BRCA1: variants seen among roughly 807,000 people sequenced by gnomAD.
BRCA1 encodes the protein BRCA1 DNA repair associated, also known as breast cancer type 1 susceptibility protein.
In BRCA1, 140 loss-of-function variants were observed where a neutral mutation model predicts 173.7. The ratio of observed to expected loss-of-function variants is 0.81; its 90% confidence interval spans 0.70 to 0.93. The LOEUF (loss-of-function observed/expected upper bound fraction) is 0.93. Among genes scored for constraint, BRCA1 ranks in the 40% least tolerant of loss-of-function variants. The pLI is 0.00. For synonymous variants in BRCA1, 662 were observed against 756.0 expected, an observed-to-expected ratio of 0.88 and a Z score of 2.04; for missense variants, 1,983 against 2,172.5, an observed-to-expected ratio of 0.91 and a Z score of 1.73.
At chr17:43,136,933 A>T (rs1360623178) in intron 1 of BRCA1, among the ~76,000 whole-genome samples, 2 of 152,214 alleles carry the variant, frequency 1.3e-5, no homozygotes, top group Non-Finnish European at 2.9e-5. Flanking sequence ...ATTACTGGGC[A>T]TATATCCAAA....
intron 3 of BRCA1, among the ~76,000 whole-genome samples, chr17:43,108,269 C>T (rs757333387): frequency 1.4e-5 from 2 of 144,034 alleles, no homozygotes; most frequent in African/African-American, 2.6e-5. Flanking sequence ...ACCTGTGAGG[C>T]GGGGGTTACA....
chr17:43,121,840 G>T (rs2055594088), intron 2 of BRCA1, among the ~76,000 whole-genome samples: 1 of 152,072 alleles, frequency 6.6e-6, no homozygotes, highest in South Asian at 2.1e-4. Flanking sequence ...TTAATTGATG[G>T]TTTAATTTGC....
rs1057521863 is a variant in BRCA1 at position 43,094,319 on chromosome 17, T to C, written c.1212A>G (p.Glu404=). Residue 404 remains glutamate (E), a synonymous_variant, in exon 10 of 23, where the codon GAA becomes GAG. Transcript: ENST00000357654. ...GSDDSHDGES[E]SNAKVADVLD... Reference sequence around the variant, plus strand: ...ATACATCAGCTACTTTGGCATTTGATTCAGACTCCCCATCATGTGAGTCAT... The same window carrying C: ...ATACATCAGCTACTTTGGCATTTGACTCAGACTCCCCATCATGTGAGTCAT... 4 of 1,614,154 alleles carry C rather than the reference T, an allele frequency of 2.5e-6. No individual in the cohort carries two copies. The highest frequency in any genetic ancestry group is 3.4e-6 in the Non-Finnish European group (4 of 1,179,998).
At chr17:43,135,589 T>TTC (rs1374925836) in intron 1 of BRCA1, among the ~76,000 whole-genome samples, 1 of 152,144 alleles carries the variant, frequency 6.6e-6, no homozygotes, top group African/African-American at 2.4e-5. Flanking sequence ...CTTCCCATGG[T>TTC]TCGCAGGTCG....
At position 43,094,837 on chromosome 17, in the gene BRCA1, C is replaced by T. The variant is rs55975699; in HGVS notation, c.694G>A (p.Asp232Asn). Residue 232 changes from aspartate (D) to asparagine (N), a missense_variant, in exon 10 of 23, where the codon GAT (aspartate) becomes AAT (asparagine). Physicochemically the swap from Asp to Asn is conservative, Grantham distance 23. Coordinates refer to ENST00000357654, the MANE Select transcript of BRCA1 (RefSeq NM_007294.4). ...TGATGATGTTCAGTATTTGTTACAT[C>T]CGTCTCAGAAAATTCACAAGCAGCT... ...KKAACEFSETDVTNTEHHQPS... is the reference protein window; with the variant it reads ...KKAACEFSETNVTNTEHHQPS... 2.0e-5 allele frequency: 32 copies of T among 1,612,896 alleles called. No homozygotes were observed. In the African/African-American group the frequency reaches 4.3e-4, roughly 22 times the overall value.
chr17:43,122,220 A>C (rs1443545738), intron 2 of BRCA1, among the ~76,000 whole-genome samples: 1 of 152,210 alleles, frequency 6.6e-6, no homozygotes, highest in Non-Finnish European at 1.5e-5. Context: ...AAAAGAATTT[A>C]CCCTTTTTTA....
In BRCA1 at chr17:43,091,673, A is replaced by G. The variant is rs794726998; in HGVS notation, c.3858T>C (p.Ser1286=). ...LAKASQEHHL[S]EETKCSASLF... is the part of the protein sequence containing the mutation. The stretch of plus-strand genomic sequence containing the variant: ...AGCTAGCAGAACATTTTGTTTCCTC[A>G]CTAAGGTGATGTTCCTGAGATGCCT... Residue 1286 remains serine, a synonymous_variant, in exon 10 of 23, where the codon AGT becomes AGC. Coordinates refer to ENST00000357654, the MANE Select transcript of BRCA1 (RefSeq NM_007294.4). The G allele has an allele frequency of 6.2e-7, 1 of 1,614,190 alleles. No individual in the cohort carries two copies. The highest frequency in any genetic ancestry group is 8.5e-7 in the Non-Finnish European group (1 of 1,180,022).
intron 1 of BRCA1, among the ~76,000 whole-genome samples, chr17:43,136,262 T>TA (rs1294282973): frequency 6.6e-6 from 1 of 152,192 alleles, no homozygotes; most frequent in East Asian, 1.9e-4. Context: ...ACCCCTTCCT[T>TA]ACACCTTATA....
intron 3 of BRCA1, among the ~76,000 whole-genome samples, chr17:43,115,522 T>C (rs1597911346): frequency 1.3e-5 from 2 of 150,630 alleles, no homozygotes; most frequent in South Asian, 4.2e-4. Context: ...AAAAAGATAA[T>C]ATATGTCAAA....
Position 43,094,832 on chromosome 17 carries a change from T to C in BRCA1, c.699A>G (p.Val233=), listed in dbSNP as rs786202162. ...KAACEFSETD[V]TNTEHHQPSN... ...TGGGTTGATGATGTTCAGTATTTGT[T>C]ACATCCGTCTCAGAAAATTCACAAG... Residue 233 remains valine (V), a synonymous_variant, in exon 10 of 23, where the codon GTA becomes GTG. Coordinates refer to ENST00000357654, the MANE Select transcript of BRCA1 (RefSeq NM_007294.4). 6.8e-6 allele frequency: 11 copies of C among 1,613,396 alleles called. No individual in the cohort carries two copies. The Admixed American group carries it at 1.3e-4, about 20-fold the overall frequency.
chr17:43,169,054 C>G (rs1450248712), intron 1 of BRCA1, among the ~76,000 whole-genome samples: 3 of 152,156 alleles, frequency 2.0e-5, no homozygotes, highest in Non-Finnish European at 1.5e-5. Context: ...TTCTCAATAG[C>G]ACAAATGGAT....
chr17:43,099,923 T>A (rs2154530266), intron 6 of BRCA1, 43 bp from the exon 7 acceptor site: 1 of 1,440,806 alleles, frequency 6.9e-7, no homozygotes, highest in Non-Finnish European at 9.8e-7. Context: ...TGTTGGCCAG[T>A]TCTGTGCTTT....
intron 20 of BRCA1, among the ~76,000 whole-genome samples, chr17:43,050,444 T>TAA: frequency 6.8e-6 from 1 of 147,316 alleles, no homozygotes; most frequent in South Asian, 2.2e-4. Flanking sequence ...CCGTCTCTAC[T>TAA]AAAAAAAAAA....
intron 3 of BRCA1, among the ~76,000 whole-genome samples, chr17:43,114,939 C>T (rs8176105): frequency 7.5e-4 from 114 of 152,212 alleles, no homozygotes; most frequent in African/African-American, 2.7e-3. Flanking sequence ...TCATCAAATA[C>T]GTAAATATAA....
chr17:43,044,570 G>A lies in BRCA1; in HGVS notation c.*1108C>T. The A allele has an allele frequency of 5.9e-6, 3 of 505,628 alleles. No individual in the cohort carries two copies. The highest frequency in any genetic ancestry group is 1.2e-5 in the Non-Finnish European group (3 of 258,208). 31.3% of individuals were successfully genotyped at this position (505,628 alleles called of 1,614,324 possible). A position where few individuals can be genotyped will look rare whatever the true frequency, so the allele number is the denominator to read the frequency against. Reference sequence around the variant, plus strand: ...AGAAAGCAACAGCTTCCTTCCTGGTGGGATCTGTCATTTTATAGATATGAA... The same window carrying A: ...AGAAAGCAACAGCTTCCTTCCTGGTAGGATCTGTCATTTTATAGATATGAA... On this transcript the variant is annotated 3_prime_UTR_variant, in exon 23 of 23. Coordinates refer to ENST00000357654, the MANE Select transcript of BRCA1 (RefSeq NM_007294.4).
In BRCA1 at chr17:43,141,790, C is replaced by T. The variant is rs146295249; in HGVS notation, c.-19-17675G>A. Among the ~76,000 whole-genome samples, 691 of 151,324 alleles carry T rather than the reference C, an allele frequency of 4.6e-3. 4 individuals are homozygous for T. Among genetic ancestry groups the T allele is most frequent in the African/African-American group, 0.016 (657 of 41,232 alleles). ...TCGCACCACTGCACTCCAACCTGGG[C>T]GACAGACCGAAAAAAAAAATTTAGC... On this transcript the variant is annotated intron_variant, in intron 1 of 7. Coordinates refer to the BRCA1 transcript ENST00000634433.
intron 20 of BRCA1, chr17:43,049,963 A>C: frequency 2.5e-6 from 1 of 398,018 alleles, no homozygotes; most frequent in East Asian, 3.6e-5. Context: ...GGTTTCCACT[A>C]TACCAAAGTA....
At chr17:43,144,271 C>A in intron 1 of BRCA1, 1 of 295,950 alleles carries the variant, frequency 3.4e-6, no homozygotes, top group Non-Finnish European at 6.7e-6. Flanking sequence ...GGGCGAAAAG[C>A]CCCCTACCAT....
chr17:43,138,993 A>G, intron 1 of BRCA1: 1 of 777,582 alleles, frequency 1.3e-6, no homozygotes, highest in South Asian at 1.3e-5. Flanking sequence ...CCCTCCAATG[A>G]AAAGCACTAA....
Sources: allele counts gnomAD v4.1 joint callset (sites outside exome capture counted in the v4.1 genomes callset), GRCh38; gene constraint gnomAD v4.1.1; transcripts MANE v1.5; gene names NCBI Gene and HGNC (gene_info 2026-07-23, HGNC 2026-07-21).